The following ZNF616 variants were observed in gnomAD, a reference collection of about 807,000 sequenced individuals.
ZNF616 encodes zinc finger protein 616.
In ZNF616, 5 loss-of-function variants were observed where a neutral mutation model predicts 7.6. That is an observed-to-expected ratio of 0.66 (90% CI 0.34 to 1.38). The LOEUF is 1.38. Among genes scored for constraint, ZNF616 ranks in the 40% most tolerant of loss-of-function variants. ZNF616 has a pLI of 0.04. For synonymous variants in ZNF616, 319 were observed against 317.2 expected (o/e 1.01, Z -0.06); for missense variants, 913 against 948.3 (o/e 0.96, Z 0.49).
chr19:52,124,511 C>G (rs1015552285), intron 2 of ZNF616, among the ~76,000 whole-genome samples: 3 of 152,170 alleles, frequency 2.0e-5, no homozygotes, highest in African/African-American at 7.2e-5. Context: ...TTTACATGTT[C>G]TAATTCAAAT....
chr19:52,119,099 C>T (rs1388722152), intron 3 of ZNF616, among the ~76,000 whole-genome samples: 1 of 152,012 alleles, frequency 6.6e-6, no homozygotes, highest in Non-Finnish European at 1.5e-5. Flanking sequence ...GTCATCATTC[C>T]CTGCACATAA....
At chr19:52,131,627 C>G (rs1359029207) in intron 1 of ZNF616, among the ~76,000 whole-genome samples, 2 of 152,140 alleles carry the variant, frequency 1.3e-5, no homozygotes. Context: ...AAGGAGTGTT[C>G]TGTGAGCTAA....
rs368693673 is a variant in ZNF616, at chr19:52,115,584, C to T, written c.1580G>A (p.Gly527Asp). 1 of 1,614,028 alleles carries T rather than the reference C, an allele frequency of 6.2e-7. No individual in the cohort carries two copies. Among genetic ancestry groups the T allele is most frequent in the Non-Finnish European group, 8.5e-7 (1 of 1,180,020 alleles). The change falls in exon 4 of 4, where the codon GGC becomes GAC. Residue 527 changes from glycine to aspartate, a missense_variant. Physicochemically the swap from Gly to Asp is moderately conservative, Grantham distance 94 (BLOSUM62 -1). Coordinates refer to ENST00000600228, the MANE Select transcript of ZNF616 (RefSeq NM_178523.5). ...AGCTGAACGGTCACTGAAGACCTTGCCACATTCTTTGCATTTGTAAGGTTT... is the reference window on the plus strand; with the variant it reads ...AGCTGAACGGTCACTGAAGACCTTGTCACATTCTTTGCATTTGTAAGGTTT... ...GEKPYKCKECGKVFSDRSAFA... is the reference protein window; with the variant it reads ...GEKPYKCKECDKVFSDRSAFA...
At chr19:52,121,117 T>C (rs574161825) in intron 3 of ZNF616, among the ~76,000 whole-genome samples, 3 of 152,310 alleles carry the variant, frequency 2.0e-5, no homozygotes, top group African/African-American at 7.2e-5. Context: ...GGCAGTGGCG[T>C]GATCTTGGTT....
chr19:52,128,239 T>A (rs1022454065), intron 2 of ZNF616, among the ~76,000 whole-genome samples: 1 of 151,854 alleles, frequency 6.6e-6, no homozygotes, highest in African/African-American at 2.4e-5. Context: ...TTTGAGGCTA[T>A]GGGGAAAATG....
chr19:52,121,387 A>G (rs2088863491), intron 3 of ZNF616, among the ~76,000 whole-genome samples: 1 of 152,248 alleles, frequency 6.6e-6, no homozygotes, highest in Non-Finnish European at 1.5e-5. Flanking sequence ...TTAGAATATC[A>G]AAAAATATGT....
Position 52,116,143 on chromosome 19 carries a change from T to C in ZNF616, c.1021A>G (p.Thr341Ala). The C allele has an allele frequency of 1.2e-6, 2 of 1,614,124 alleles. No homozygotes were observed. Among genetic ancestry groups the C allele is most frequent in the Non-Finnish European group, 1.7e-6 (2 of 1,179,986 alleles). The change falls in exon 4 of 4, where the codon ACT becomes GCT. Residue 341 changes from threonine to alanine, a missense_variant. Transcript: ENST00000600228. ...CCTGCATGGATTACCTGATGTACAG[T>C]GAGGTTTGAGCTCCGTTTAAAGGTT... Reference protein sequence around the residue: ...GKTFKRSSNLTVHQVIHAGKK... With the variant: ...GKTFKRSSNLAVHQVIHAGKK...
At chr19:52,126,238 G>A (rs536454526) in intron 2 of ZNF616, among the ~76,000 whole-genome samples, 2 of 152,278 alleles carry the variant, frequency 1.3e-5, no homozygotes, top group East Asian at 1.9e-4. Flanking sequence ...GAATTAAAAA[G>A]AAATGTGGGC....
intron 2 of ZNF616, among the ~76,000 whole-genome samples, chr19:52,128,850 T>TAA (rs113544255): frequency 0.04 from 5,892 of 145,964 alleles, 367 homozygotes; most frequent in African/African-American, 0.13. Context: ...GTATGGATAG[T>TAA]AAAAAAAAAA....
intron 3 of ZNF616, among the ~76,000 whole-genome samples, chr19:52,118,454 C>A (rs946871840): frequency 6.6e-6 from 1 of 152,168 alleles, no homozygotes; most frequent in African/African-American, 2.4e-5. Context: ...AGGACCCAAT[C>A]CTCAATGTGA....
chr19:52,137,610 G>C (rs979568969), intron 1 of ZNF616, among the ~76,000 whole-genome samples: 1 of 152,118 alleles, frequency 6.6e-6, no homozygotes, highest in Non-Finnish European at 1.5e-5. Context: ...TGTTACCACA[G>C]GATGCTGGGT....
chr19:52,125,231 C>T (rs1205158610), intron 2 of ZNF616, among the ~76,000 whole-genome samples: 1 of 152,200 alleles, frequency 6.6e-6, no homozygotes, highest in African/African-American at 2.4e-5. Flanking sequence ...CTATAGTCTA[C>T]AGCTGCATCT....
At chr19:52,128,032 C>T (rs777294627) in intron 2 of ZNF616, among the ~76,000 whole-genome samples, 16 of 152,060 alleles carry the variant, frequency 1.1e-4, no homozygotes, top group South Asian at 2.1e-4. Context: ...AAAAGAAACC[C>T]GGGTTCCTCC....
rs1455204775 is a variant in ZNF616 at position 52,113,473 on chromosome 19, C to G, written c.*1345G>C. The G allele has an allele frequency of 6.6e-6, 1 of 152,184 alleles. No homozygotes were observed. Among genetic ancestry groups the G allele is most frequent in the Non-Finnish European group, 1.5e-5 (1 of 68,030 alleles). 9.4% of individuals were successfully genotyped at this position (152,184 alleles called of 1,614,324 possible). On this transcript the variant is annotated 3_prime_UTR_variant, in exon 4 of 4. Coordinates refer to ENST00000600228, the MANE Select transcript of ZNF616 (RefSeq NM_178523.5). ...CATTGGTTTTGTCTCACTTTAAGTT[C>G]TGGGTACATGTGCACAATTTGCAAA...
chr19:52,114,258 G>C lies in ZNF616; in HGVS notation c.*560C>G, dbSNP rs1482677931. On this transcript the variant is annotated 3_prime_UTR_variant, in exon 4 of 4. Transcript: ENST00000600228. ...TTACACTTCTGTGATTTTTCTCCAG[G>C]ATGTATACATCCTGGAATATATATA... 1.3e-5 allele frequency: 2 copies of C among 151,998 alleles called. No homozygotes were observed. The highest frequency in any genetic ancestry group is 1.3e-4 in the Admixed American group (2 of 15,246). 9.4% of individuals were successfully genotyped at this position (151,998 alleles called of 1,614,324 possible).
At chr19:52,126,275 C>G (rs554707152) in intron 2 of ZNF616, among the ~76,000 whole-genome samples, 302 of 152,314 alleles carry the variant, frequency 2.0e-3, no homozygotes, top group African/African-American at 6.9e-3. Flanking sequence ...CAACTGTAAT[C>G]CCAGGACTTT....
chr19:52,128,430 A>G (rs1047846775), intron 2 of ZNF616, among the ~76,000 whole-genome samples: 1 of 152,020 alleles, frequency 6.6e-6, no homozygotes, highest in Admixed American at 6.6e-5. Flanking sequence ...TCCTTTTCTT[A>G]GGTTATAAAT....
At chr19:52,132,559 CT>C (rs780547552) in intron 1 of ZNF616, among the ~76,000 whole-genome samples, 298 of 152,230 alleles carry the variant, frequency 2.0e-3, no homozygotes, top group Middle Eastern at 0.01. Flanking sequence ...TGGTGCTGTT[CT>C]TTATCACAGT....
At chr19:52,131,264 C>CAAAAAA (rs61359785) in intron 1 of ZNF616, among the ~76,000 whole-genome samples, 8 of 39,768 alleles carry the variant, frequency 2.0e-4, no homozygotes, top group African/African-American at 7.0e-4. Flanking sequence ...ACTCTGTCAC[C>CAAAAAA]AAAAAAAAAA....
Sources: gnomAD v4.1 joint callset for allele counts (sites outside exome capture counted in the v4.1 genomes callset) on GRCh38, gnomAD v4.1.1 for gene constraint, MANE v1.5 for transcripts, NCBI Gene and HGNC (gene_info 2026-07-23, HGNC 2026-07-21) for gene names.